STYX: variants seen among roughly 807,000 people sequenced by gnomAD.
STYX encodes the protein serine/threonine/tyrosine interacting protein, also known as serine/threonine/tyrosine-interacting protein.
A neutral mutation model predicts 42.7 loss-of-function variants in STYX; 20 were observed. The ratio of observed to expected loss-of-function variants is 0.47; its 90% CI spans 0.33 to 0.68. The LOEUF is 0.68. Among genes scored for constraint, STYX ranks in the 30% least tolerant of loss-of-function variants. The pLI is 0.02. For missense variants in STYX, 226 were observed against 268.5 expected, an observed-to-expected ratio of 0.84 and a Z score of 1.11; for synonymous variants, 78 against 81.9, an observed-to-expected ratio of 0.95 and a Z score of 0.26.
chr14:52,765,349 C>A (rs1342735328), intron 9 of STYX, among the ~76,000 whole-genome samples: 1 of 152,138 alleles, frequency 6.6e-6, no homozygotes, highest in East Asian at 1.9e-4. Context: ...TCCTGATTAG[C>A]TGGGATTACA....
chr14:52,768,947 T>G lies in STYX; in HGVS notation c.598+14T>G, dbSNP rs769354371. The stretch of plus-strand genomic sequence containing the variant: ...CTGGTACCACAGGTAAGGATTTTTT[T>G]CTTTTTGGAGAAATTTGGGAAGAAA... On this transcript the variant is annotated intron_variant, in intron 10 of 10. Transcript: ENST00000354586. 8 of 1,556,702 alleles carry G rather than the reference T, an allele frequency of 5.1e-6. No individual in the cohort carries two copies. The highest frequency in any genetic ancestry group is 6.9e-6 in the Non-Finnish European group (8 of 1,155,098).
chr14:52,746,826 A>G (rs1881413066), intron 3 of STYX, among the ~76,000 whole-genome samples: 1 of 152,230 alleles, frequency 6.6e-6, no homozygotes, highest in Admixed American at 6.5e-5. Flanking sequence ...AAAGCCCAAA[A>G]TAAGGAATTT....
chr14:52,759,607 C>T, intron 8 of STYX, 75 bp from the exon 9 acceptor site: 1 of 992,800 alleles, frequency 1.0e-6, no homozygotes. Flanking sequence ...TTACCCCTCT[C>T]TATTGCTAAG....
At chr14:52,755,527 T>C (rs61574141) in intron 4 of STYX, among the ~76,000 whole-genome samples, 2,580 of 152,322 alleles carry the variant, frequency 0.017, 71 homozygotes, top group African/African-American at 0.059. Context: ...AAAACTAATT[T>C]AATAACTTAG....
At chr14:52,731,956 T>C (rs1389763701) in intron 1 of STYX, among the ~76,000 whole-genome samples, 2 of 151,404 alleles carry the variant, frequency 1.3e-5, no homozygotes, top group Non-Finnish European at 1.5e-5. Context: ...TTTCTTTTTT[T>C]TTTTTTTTGT....
At chr14:52,754,482 G>A (rs1881775620) in intron 4 of STYX, among the ~76,000 whole-genome samples, 1 of 150,660 alleles carries the variant, frequency 6.6e-6, no homozygotes, top group African/African-American at 2.4e-5. Context: ...CAAAGTGCTG[G>A]GGTTACAGGC....
At chr14:52,732,913 C>T (rs977271504) in intron 1 of STYX, among the ~76,000 whole-genome samples, 1 of 152,084 alleles carries the variant, frequency 6.6e-6, no homozygotes, top group Non-Finnish European at 1.5e-5. Flanking sequence ...TCAAGTGATC[C>T]GCCTGCCTCG....
At chr14:52,742,152 T>C (rs146123110) in intron 1 of STYX, among the ~76,000 whole-genome samples, 53 of 152,266 alleles carry the variant, frequency 3.5e-4, no homozygotes, top group African/African-American at 1.3e-3. Context: ...TGCCAGATTG[T>C]GGTTAGGAAG....
intron 1 of STYX, among the ~76,000 whole-genome samples, chr14:52,739,769 G>A (rs1881113633): frequency 6.7e-6 from 1 of 149,018 alleles, no homozygotes; most frequent in East Asian, 2.0e-4. Context: ...AGCCTCCCAA[G>A]TAGCTAGGAC....
At chr14:52,764,978 A>G (rs1210463132) in intron 9 of STYX, among the ~76,000 whole-genome samples, 1 of 152,046 alleles carries the variant, frequency 6.6e-6, no homozygotes, top group Admixed American at 6.6e-5. Flanking sequence ...CCTTAATCCT[A>G]CATTTAAATA....
In STYX at chr14:52,773,476, T is replaced by TA. The variant is rs1189713872; in HGVS notation, c.*2371dup. 6.6e-6 allele frequency: 1 copy of TA among 152,286 alleles called. No homozygotes were observed. Among genetic ancestry groups the TA allele is most frequent in the Non-Finnish European group, 1.5e-5 (1 of 68,206 alleles). The allele number at this position is 152,286 out of a possible 1,614,324, so 9.4% of individuals were successfully genotyped here. ...CCTCAGCCTCCCAAGTAGCTGGGGT[T>TA]AGAGGCACATGCCACCATGCCTGGC... On this transcript the variant is annotated 3_prime_UTR_variant, in exon 11 of 11. Transcript: ENST00000354586.
intron 1 of STYX, among the ~76,000 whole-genome samples, chr14:52,735,088 G>A (rs945030838): frequency 6.6e-6 from 1 of 152,018 alleles, no homozygotes; most frequent in Admixed American, 6.6e-5. Context: ...ATCCAGAAGG[G>A]TAGTGGTGCA....
At chr14:52,760,283 G>A (rs1336043425) in intron 9 of STYX, among the ~76,000 whole-genome samples, 1 of 152,124 alleles carries the variant, frequency 6.6e-6, no homozygotes, top group African/African-American at 2.4e-5. Context: ...CAAATCTAAA[G>A]TAAAATAATT....
chr14:52,745,676 C>T (rs2139895390), intron 2 of STYX, among the ~76,000 whole-genome samples: 1 of 152,278 alleles, frequency 6.6e-6, no homozygotes, highest in Non-Finnish European at 1.5e-5. Flanking sequence ...CATAGCAGTT[C>T]ATTTTCTTTT....
chr14:52,730,208 G>T lies in STYX; in HGVS notation c.-267G>T, dbSNP rs1470853306. On this transcript the variant is annotated 5_prime_UTR_variant, in exon 1 of 11. In the 5' UTR this introduces an upstream ATG that the reference lacks. Coordinates refer to ENST00000354586, the MANE Select transcript of STYX (RefSeq NM_145251.4). The stretch of plus-strand genomic sequence containing the variant: ...CTGTGCTGGATCCTGGGCGGCCTGA[G>T]GGGTACGGAGACTCTGGGGGAGGGA... The T allele has an allele frequency of 1.9e-6, 1 of 517,308 alleles. No homozygotes were observed. The highest frequency in any genetic ancestry group is 2.5e-5 in the South Asian group (1 of 39,870). The allele number at this position is 517,308 out of a possible 1,614,324, so 32.0% of individuals were successfully genotyped here.
intron 9 of STYX, among the ~76,000 whole-genome samples, chr14:52,765,509 G>A (rs1882267190): frequency 6.6e-6 from 1 of 152,170 alleles, no homozygotes; most frequent in African/African-American, 2.4e-5. Flanking sequence ...GAGCCACCGT[G>A]CCTGGCCTAA....
rs1180783839 is a variant in STYX at position 52,759,674 on chromosome 14, G to A, written c.432-8G>A. On this transcript the variant is annotated splice_region_variant and splice_polypyrimidine_tract_variant and intron_variant, in intron 8 of 10. Transcript: ENST00000354586. Reference sequence around the variant, plus strand: ...GCTATCACATTAACACTCTTTTTCTGTTTTCAGAGATGCTTTTGCTTATGT... The same window carrying A: ...GCTATCACATTAACACTCTTTTTCTATTTTCAGAGATGCTTTTGCTTATGT... 6.3e-7 allele frequency: 1 copy of A among 1,584,534 alleles called. No homozygotes were observed. The highest frequency in any genetic ancestry group is 1.3e-5 in the African/African-American group (1 of 74,126).
intron 1 of STYX, among the ~76,000 whole-genome samples, chr14:52,743,461 G>T (rs977564729): frequency 6.6e-6 from 1 of 152,000 alleles, no homozygotes; most frequent in Admixed American, 6.5e-5. Context: ...GGTGCCTGTA[G>T]TCCCAGCTAC....
chr14:52,744,936 G>T (rs1566671829), intron 2 of STYX, 52 bp downstream of exon 2: 1 of 1,569,254 alleles, frequency 6.4e-7, no homozygotes, highest in Non-Finnish European at 8.7e-7. Context: ...ATCATAATAA[G>T]AACCTTAGTT....
Sources: gnomAD v4.1 joint callset for allele counts (sites outside exome capture counted in the v4.1 genomes callset) on GRCh38, gnomAD v4.1.1 for gene constraint, MANE v1.5 for transcripts, NCBI Gene and HGNC (gene_info 2026-07-23, HGNC 2026-07-21) for gene names.